OSBP2: variants seen among roughly 807,000 people sequenced by gnomAD.
The protein encoded by OSBP2 is oxysterol binding protein 2, also known as oxysterol-binding protein 2.
A neutral mutation model predicts 96.0 loss-of-function variants in OSBP2; 66 were observed. That is an observed-to-expected ratio of 0.69 (90% CI 0.56 to 0.84). The LOEUF is 0.84. Ranked by LOEUF, OSBP2 falls within the 40% of genes least tolerant of loss-of-function variation. The pLI is 0.00. For missense variants in OSBP2, 1,038 were observed against 1,222.7 expected (o/e 0.85, Z 2.25); for synonymous variants, 525 against 520.9 (o/e 1.01, Z -0.11).
chr22:30,716,044 CTTTT>C (rs35254892), intron 1 of OSBP2, among the ~76,000 whole-genome samples: 2 of 137,526 alleles, frequency 1.5e-5, no homozygotes, highest in Non-Finnish European at 3.1e-5. Flanking sequence ...TTCTTTCTTT[CTTTT>C]TTTTTTTTTT....
In OSBP2 at chr22:30,856,373, CTTTTTTTTT is replaced by C. The variant is rs56875088; in HGVS notation, c.854-14034_854-14026del. On this transcript the variant is annotated intron_variant, in intron 2 of 13. Coordinates refer to ENST00000332585, the MANE Select transcript of OSBP2 (RefSeq NM_030758.4). ...CTTGGCAGTTGGAAACAGAGCCCTT[CTTTTTTTTT>C]TTTTTTTTTTTTTTTTTTTTTGGAG... Among the ~76,000 whole-genome samples, 13 of 101,430 alleles carry C rather than the reference CTTTTTTTTT, an allele frequency of 1.3e-4. No homozygotes were observed. The East Asian group carries it at 2.3e-3, about 18-fold the overall frequency. The allele number at this position is 101,430 out of a possible 152,430, so 66.5% of individuals were successfully genotyped here. A position where few individuals can be genotyped will look rare whatever the true frequency, so the allele number is the denominator to read the frequency against.
chr22:30,728,394 C>CAA (rs34137723), intron 1 of OSBP2, among the ~76,000 whole-genome samples: 12,083 of 131,700 alleles, frequency 0.092, 601 homozygotes, highest in Non-Finnish European at 0.099. Context: ...GACTCCGTCT[C>CAA]AAAAAAAAAA....
At chr22:30,694,044 G>A, upstream of OSBP2, 1 of 1,546,450 alleles carries the variant, frequency 6.5e-7, no homozygotes, top group Non-Finnish European at 8.7e-7. Context: ...CCTTTGTTAT[G>A]GACCTACTCT....
At chr22:30,846,882 C>T (rs572269965) in intron 2 of OSBP2, among the ~76,000 whole-genome samples, 67 of 151,960 alleles carry the variant, frequency 4.4e-4, no homozygotes, top group African/African-American at 1.4e-3. Context: ...TTTGTTCATG[C>T]GGTATATTGG....
At position 30,741,328 on chromosome 22, in the gene OSBP2, T is replaced by TGGCCAA; in HGVS notation, c.822_827dup (p.Lys275_Ala276dup). On this transcript the variant is annotated inframe_insertion, in exon 2 of 14. Coordinates refer to ENST00000332585, the MANE Select transcript of OSBP2 (RefSeq NM_030758.4). ...CAGCAGTGGATCACCGCCCTGGAGC[T>TGGCCAA]GGCCAAGGCCAAGGCTGTCCGCGTG... 1 of 1,613,206 alleles carries TGGCCAA rather than the reference T, an allele frequency of 6.2e-7. No homozygotes were observed. Among genetic ancestry groups the TGGCCAA allele is most frequent in the Non-Finnish European group, 8.5e-7 (1 of 1,180,026 alleles).
At chr22:30,859,207 C>G (rs1390401707) in intron 2 of OSBP2, among the ~76,000 whole-genome samples, 1 of 152,184 alleles carries the variant, frequency 6.6e-6, no homozygotes, top group African/African-American at 2.4e-5. Flanking sequence ...TGTCTCCAGG[C>G]CAGGAAAGTG....
intron 1 of OSBP2, among the ~76,000 whole-genome samples, chr22:30,701,469 A>G (rs1344039019): frequency 2.7e-5 from 4 of 149,820 alleles, no homozygotes; most frequent in African/African-American, 4.9e-5. Context: ...TCAGCCTCCC[A>G]AGTAGCTGGG....
chr22:30,697,936 C>T (rs986986940), intron 1 of OSBP2, among the ~76,000 whole-genome samples: 3 of 152,168 alleles, frequency 2.0e-5, no homozygotes, highest in Non-Finnish European at 4.4e-5. Flanking sequence ...GCTGTGTGTC[C>T]GAATGCCACC....
intron 2 of OSBP2, among the ~76,000 whole-genome samples, chr22:30,773,827 G>A (rs180715163): frequency 7.1e-4 from 108 of 152,236 alleles, no homozygotes; most frequent in African/African-American, 2.4e-3. Flanking sequence ...GAGGCCATGA[G>A]GGACTTCAAG....
At chr22:30,808,822 C>A (rs1378993339) in intron 2 of OSBP2, among the ~76,000 whole-genome samples, 1 of 151,944 alleles carries the variant, frequency 6.6e-6, no homozygotes, top group Non-Finnish European at 1.5e-5. Flanking sequence ...GGCGTGGTGG[C>A]GGGTGCCTGT....
intron 2 of OSBP2, among the ~76,000 whole-genome samples, chr22:30,787,109 T>TA (rs890909783): frequency 6.6e-6 from 1 of 152,074 alleles, no homozygotes; most frequent in Non-Finnish European, 1.5e-5. Flanking sequence ...GGAAAGGTCT[T>TA]ACCAGTCAGA....
At chr22:30,889,402 A>C (rs2039892701) in intron 6 of OSBP2, 88 bp from the exon 7 acceptor site, 1 of 1,522,628 alleles carries the variant, frequency 6.6e-7, no homozygotes, top group Non-Finnish European at 9.1e-7. Flanking sequence ...GCTTGGTGCC[A>C]GTCCTCAGGG....
At chr22:30,796,651 T>G (rs924357186) in intron 2 of OSBP2, among the ~76,000 whole-genome samples, 1 of 151,916 alleles carries the variant, frequency 6.6e-6, no homozygotes, top group African/African-American at 2.4e-5. Context: ...GATTACAGGC[T>G]CATGCCACCA....
At chr22:30,891,256 G>A (rs1602425731) in intron 8 of OSBP2, among the ~76,000 whole-genome samples, 1 of 152,326 alleles carries the variant, frequency 6.6e-6, no homozygotes, top group East Asian at 1.9e-4. Flanking sequence ...CCAGGGTGTT[G>A]TGGAGCAGAG....
chr22:30,744,478 A>G (rs1288142532), intron 2 of OSBP2, among the ~76,000 whole-genome samples: 2 of 152,054 alleles, frequency 1.3e-5, no homozygotes, highest in Non-Finnish European at 2.9e-5. Context: ...ATCTCTTGAA[A>G]TCACCTGCTA....
chr22:30,785,406 TA>T (rs934967333), intron 2 of OSBP2, among the ~76,000 whole-genome samples: 24 of 146,060 alleles, frequency 1.6e-4, no homozygotes, highest in Non-Finnish European at 2.3e-4. Context: ...CCATCTCTAC[TA>T]AAAAAAAAAA....
chr22:30,747,536 T>TA (rs2090019138), intron 2 of OSBP2, among the ~76,000 whole-genome samples: 1 of 152,228 alleles, frequency 6.6e-6, no homozygotes. Flanking sequence ...TATGTATGTT[T>TA]ACATCCACAC....
chr22:30,717,726 A>G (rs575267222), intron 1 of OSBP2, among the ~76,000 whole-genome samples: 29 of 152,168 alleles, frequency 1.9e-4, no homozygotes, highest in Non-Finnish European at 3.8e-4. Flanking sequence ...TTCATCTTCT[A>G]TTCATCTCAA....
intron 12 of OSBP2, among the ~76,000 whole-genome samples, chr22:30,905,151 T>G (rs1000662811): frequency 2.1e-5 from 3 of 142,802 alleles, no homozygotes; most frequent in African/African-American, 7.7e-5. Flanking sequence ...TTTTTTTTTT[T>G]TTTTTTTTTT....
Sources: allele counts gnomAD v4.1 joint callset (sites outside exome capture counted in the v4.1 genomes callset), GRCh38; gene constraint gnomAD v4.1.1; transcripts MANE v1.5; gene names NCBI Gene and HGNC (gene_info 2026-07-23, HGNC 2026-07-21).